Variants in AUTS2 observed in about 807,000 individuals in gnomAD.
AUTS2 encodes activator of transcription and developmental regulator AUTS2.
Under a neutral mutation model 112.4 loss-of-function variants are expected in AUTS2, and 17 were observed. The observed-to-expected ratio is 0.15, with a 90% CI of 0.10 to 0.23. AUTS2 has a LOEUF of 0.23. Among genes scored for constraint, AUTS2 ranks in the 10% least tolerant of loss-of-function variants. AUTS2 has a pLI of 1.00. For missense variants in AUTS2, 1,510 were observed against 1,701.6 expected (o/e 0.89, Z 1.98); for synonymous variants, 751 against 702.7 (o/e 1.07, Z -1.09).
In AUTS2 at chr7:69,851,476, C is replaced by T. The variant is rs182294607; in HGVS notation, c.310-47810C>T. Among the ~76,000 whole-genome samples, 188 of 152,274 alleles carry T rather than the reference C, an allele frequency of 1.2e-3. 1 individual carries two copies. Among genetic ancestry groups the T allele is most frequent in the Admixed American group, 3.9e-3 (60 of 15,300 alleles). ...TGTTGCTCAGGCTGGTCTTAAACAC[C>T]TGGACACAAGCAATCCCCCCACCTT... is the stretch of plus-strand genomic sequence containing the variant. On this transcript the variant is annotated intron_variant, in intron 1 of 18. Coordinates refer to ENST00000342771, the MANE Select transcript of AUTS2 (RefSeq NM_015570.4).
intron 10 of AUTS2, among the ~76,000 whole-genome samples, chr7:70,770,558 G>A (rs1790270792): frequency 6.6e-6 from 1 of 152,206 alleles, no homozygotes; most frequent in Non-Finnish European, 1.5e-5. Context: ...TAGAAGGAGG[G>A]AAAGTTGTGT....
At chr7:69,879,809 A>AT (rs1281991197) in intron 1 of AUTS2, among the ~76,000 whole-genome samples, 5 of 151,714 alleles carry the variant, frequency 3.3e-5, no homozygotes, top group East Asian at 1.9e-4. Context: ...ATTGATTTTT[A>AT]TTTTTTTTGA....
chr7:70,465,887 C>T (rs1382710049), intron 5 of AUTS2, among the ~76,000 whole-genome samples: 1 of 152,022 alleles, frequency 6.6e-6, no homozygotes, highest in East Asian at 1.9e-4. Context: ...CTGGGGGAGA[C>T]AGGGTGGAGG....
chr7:69,691,170 G>A (rs757010247), intron 1 of AUTS2, among the ~76,000 whole-genome samples: 2 of 152,166 alleles, frequency 1.3e-5, no homozygotes, highest in African/African-American at 2.4e-5. Flanking sequence ...TTGGTCCATG[G>A]GTGGCCATGA....
At chr7:70,496,866 C>T (rs1798556538) in intron 5 of AUTS2, among the ~76,000 whole-genome samples, 13 of 125,932 alleles carry the variant, frequency 1.0e-4, no homozygotes, top group East Asian at 5.2e-4. Context: ...CACACACACC[C>T]CACACACATG....
chr7:70,752,946 G>C (rs984685331), intron 6 of AUTS2, among the ~76,000 whole-genome samples: 6 of 152,138 alleles, frequency 3.9e-5, no homozygotes, highest in Admixed American at 1.3e-4. Context: ...GGTCTCCACA[G>C]TCAAGATTGT....
intron 5 of AUTS2, among the ~76,000 whole-genome samples, chr7:70,553,995 C>T (rs202216981): frequency 4.6e-5 from 7 of 150,990 alleles, no homozygotes; most frequent in African/African-American, 1.5e-4. Flanking sequence ...TGGTCTCAAA[C>T]TCCTGACCTC....
intron 2 of AUTS2, among the ~76,000 whole-genome samples, chr7:70,000,973 A>T (rs372075336): frequency 6.6e-6 from 1 of 152,206 alleles, no homozygotes; most frequent in African/African-American, 2.4e-5. Flanking sequence ...TTCTGCCAGG[A>T]TGGTTCTGCC....
chr7:70,496,719 C>CCCCA (rs1798541377), intron 5 of AUTS2, among the ~76,000 whole-genome samples: 1 of 141,296 alleles, frequency 7.1e-6, no homozygotes, highest in Non-Finnish European at 1.5e-5. Flanking sequence ...CGCACACACC[C>CCCCA]CACACATGCA....
intron 1 of AUTS2, among the ~76,000 whole-genome samples, chr7:69,784,991 T>G (rs181882333): frequency 2.0e-5 from 3 of 152,016 alleles, no homozygotes; most frequent in Admixed American, 6.6e-5. Flanking sequence ...GAGGACATAT[T>G]TATAATGGTG....
chr7:70,248,641 C>T, intron 4 of AUTS2, among the ~76,000 whole-genome samples: 1 of 151,666 alleles, frequency 6.6e-6, no homozygotes, highest in East Asian at 1.9e-4. Flanking sequence ...CATTTTTTTT[C>T]TGATTTCCTG....
intron 1 of AUTS2, among the ~76,000 whole-genome samples, chr7:69,768,742 GA>G (rs1024913448): frequency 1.3e-5 from 2 of 152,204 alleles, no homozygotes; most frequent in Non-Finnish European, 2.9e-5. Context: ...GATTAGAGAG[GA>G]GGGGAGCTGA....
intron 2 of AUTS2, among the ~76,000 whole-genome samples, chr7:69,931,451 C>G (rs1232397178): frequency 6.6e-6 from 1 of 152,120 alleles, no homozygotes; most frequent in Non-Finnish European, 1.5e-5. Context: ...AGAATGAGCT[C>G]TTTATTGCTT....
intron 4 of AUTS2, among the ~76,000 whole-genome samples, chr7:70,248,216 C>T (rs1487525995): frequency 2.6e-5 from 4 of 152,166 alleles, no homozygotes; most frequent in Non-Finnish European, 5.9e-5. Context: ...TATCAAGATT[C>T]TCCCACCTCA....
rs1205814695 is a variant in AUTS2 at position 70,580,980 on chromosome 7, C to T, written c.691-117589C>T. ...ATAGTTGAGGCTGGGTGTGGTGGCCCATACCTGTAATCCCAGCACTTTGGG... is the reference window on the plus strand; with the variant it reads ...ATAGTTGAGGCTGGGTGTGGTGGCCTATACCTGTAATCCCAGCACTTTGGG... On this transcript the variant is annotated intron_variant, in intron 5 of 18. Transcript: ENST00000342771. Among the ~76,000 whole-genome samples, 3 of 152,110 alleles carry T rather than the reference C, an allele frequency of 2.0e-5. No homozygotes were observed. The East Asian group carries it at 5.8e-4, about 29-fold the overall frequency.
At chr7:70,514,166 AC>A in intron 5 of AUTS2, among the ~76,000 whole-genome samples, 1 of 152,302 alleles carries the variant, frequency 6.6e-6, no homozygotes, top group South Asian at 2.1e-4. Context: ...ATGTGAATAA[AC>A]CATACTTTAT....
chr7:70,745,884 G>A (rs1344169331), intron 6 of AUTS2, among the ~76,000 whole-genome samples: 1 of 152,160 alleles, frequency 6.6e-6, no homozygotes, highest in Admixed American at 6.5e-5. Context: ...CAACTCCAGA[G>A]AGACATGATT....
At chr7:70,487,918 T>C (rs1798077810) in intron 5 of AUTS2, among the ~76,000 whole-genome samples, 1 of 151,716 alleles carries the variant, frequency 6.6e-6, no homozygotes, top group Non-Finnish European at 1.5e-5. Flanking sequence ...GGGGGATGAG[T>C]AGATGGAAGG....
chr7:70,428,885 T>G, intron 4 of AUTS2, among the ~76,000 whole-genome samples: 1 of 152,250 alleles, frequency 6.6e-6, no homozygotes, highest in East Asian at 1.9e-4. Context: ...GTCACAGACC[T>G]TGACTGATTT....
Sources: gnomAD v4.1 joint callset for allele counts (sites outside exome capture counted in the v4.1 genomes callset) on GRCh38, gnomAD v4.1.1 for gene constraint, MANE v1.5 for transcripts, NCBI Gene and HGNC (gene_info 2026-07-23, HGNC 2026-07-21) for gene names.